Variants in NBL1 observed in about 807,000 individuals in gnomAD.
NBL1 encodes the protein neuroblastoma suppressor of tumorigenicity 1.
NBL1 carries 9 observed loss-of-function variants against 16.0 expected under a neutral mutation model. The observed-to-expected ratio is 0.56, with a 90% CI of 0.34 to 0.98. The LOEUF is 0.98. Among genes scored for constraint, NBL1 ranks in the 50% least tolerant of loss-of-function variants. The pLI is 0.02. For missense variants in NBL1, 196 were observed against 243.1 expected, an observed-to-expected ratio of 0.81 and a Z score of 1.29; for synonymous variants, 86 against 100.7, an observed-to-expected ratio of 0.85 and a Z score of 0.87.
In NBL1 at chr1:19,657,183, C is replaced by T; in HGVS notation, c.*54C>T. The T allele has an allele frequency of 1.2e-6, 1 of 822,140 alleles. No homozygotes were observed. Among genetic ancestry groups the T allele is most frequent in the Non-Finnish European group, 1.9e-6 (1 of 529,738 alleles). The allele number at this position is 822,140 out of a possible 1,614,324, so 50.9% of individuals were successfully genotyped here. On this transcript the variant is annotated 3_prime_UTR_variant, in exon 4 of 4. Transcript: ENST00000375136. The stretch of plus-strand genomic sequence containing the variant: ...TCCCCCTGTGGAATGTTGGGTCTCA[C>T]TCTCTGGGGAAGTCAGGGGAGAAGC...
chr1:19,644,127 G>A (rs1283046307), upstream of NBL1: 8 of 976,908 alleles, frequency 8.2e-6, no homozygotes, highest in Admixed American at 5.0e-4. This position sits in a 1 kb window ranked among gnomAD's most constrained non-coding sequence, Gnocchi z 4.6. Flanking sequence ...GGCGGGCCAG[G>A]AGAGGGCCCG....
In NBL1 at chr1:19,657,175, G is replaced by T; in HGVS notation, c.*46G>T. 1.1e-6 allele frequency: 1 copy of T among 875,562 alleles called. No homozygotes were observed. Among genetic ancestry groups the T allele is most frequent in the Non-Finnish European group, 1.7e-6 (1 of 576,108 alleles). 54.2% of individuals were successfully genotyped at this position (875,562 alleles called of 1,614,324 possible). A position where few individuals can be genotyped will look rare whatever the true frequency, so the allele number is the denominator to read the frequency against. On this transcript the variant is annotated 3_prime_UTR_variant, in exon 4 of 4. Transcript: ENST00000375136. The stretch of plus-strand genomic sequence containing the variant: ...CCCTCTCATCCCCCTGTGGAATGTT[G>T]GGTCTCACTCTCTGGGGAAGTCAGG...
Position 19,655,042 on chromosome 1 carries a change from G to C in NBL1, c.12G>C (p.Arg4=). 6.2e-7 allele frequency: 1 copy of C among 1,609,576 alleles called. No individual in the cohort carries two copies. Among genetic ancestry groups the C allele is most frequent in the Non-Finnish European group, 8.5e-7 (1 of 1,178,828 alleles). ...TGGAGGCCACGGGCATGATGCTTCGGGTCCTGGTGGGGGCTGTCCTCCCTG... is the reference window on the plus strand; with the variant it reads ...TGGAGGCCACGGGCATGATGCTTCGCGTCCTGGTGGGGGCTGTCCTCCCTG... The part of the protein sequence containing the change: MML[R]VLVGAVLPAM... Residue 4 remains arginine, a synonymous_variant, in exon 2 of 4, where the codon CGG becomes CGC. Coordinates refer to ENST00000375136, the MANE Select transcript of NBL1 (RefSeq NM_005380.8).
At chr1:19,647,516 G>A in intron 1 of NBL1, 1 of 655,560 alleles carries the variant, frequency 1.5e-6, no homozygotes. Flanking sequence ...GAATGGAGGA[G>A]GAGAGCCAGA....
chr1:19,656,216 G>T (rs911847062), intron 3 of NBL1, among the ~76,000 whole-genome samples: 1 of 152,086 alleles, frequency 6.6e-6, no homozygotes, highest in African/African-American at 2.4e-5. Context: ...AGGAAGAGAG[G>T]AAGGGAGGGA....
At chr1:19,645,657 G>C (rs1360898700) in intron 1 of NBL1, 2 of 1,168,000 alleles carry the variant, frequency 1.7e-6, no homozygotes, top group East Asian at 1.0e-4. Context: ...CTGCTTGGGC[G>C]TGGTTTGCCT....
chr1:19,656,453 T>A (rs1274677393), intron 3 of NBL1, among the ~76,000 whole-genome samples: 1 of 149,524 alleles, frequency 6.7e-6, no homozygotes, highest in East Asian at 2.0e-4. Context: ...ATGTGCGGAG[T>A]CCCTGAGGCA....
chr1:19,648,813 GGACA>G (rs2095002372), intron 1 of NBL1, among the ~76,000 whole-genome samples: 1 of 152,144 alleles, frequency 6.6e-6, no homozygotes, highest in Admixed American at 6.5e-5. Flanking sequence ...CCTGTGCCAA[GGACA>G]CCTCCTTTAA....
rs2095066275 is a variant in NBL1 at position 19,658,162 on chromosome 1, C to G, written c.*1033C>G. 1 of 152,816 alleles carries G rather than the reference C, an allele frequency of 6.5e-6. No homozygotes were observed. Among genetic ancestry groups the G allele is most frequent in the Non-Finnish European group, 1.5e-5 (1 of 68,168 alleles). 9.5% of individuals were successfully genotyped at this position (152,816 alleles called of 1,614,324 possible). On this transcript the variant is annotated 3_prime_UTR_variant, in exon 4 of 4. Coordinates refer to ENST00000375136, the MANE Select transcript of NBL1 (RefSeq NM_005380.8). ...GACAGTCAGGGTTCACTTGGGCTCTCTCTAGCTCCCCAATTCTGCCTGCCT... is the reference window on the plus strand; with the variant it reads ...GACAGTCAGGGTTCACTTGGGCTCTGTCTAGCTCCCCAATTCTGCCTGCCT...
intron 1 of NBL1, among the ~76,000 whole-genome samples, chr1:19,651,445 G>C (rs928031972): frequency 1.3e-5 from 2 of 152,204 alleles, no homozygotes; most frequent in African/African-American, 4.8e-5. Flanking sequence ...CCTAACCTCT[G>C]TCCCAGCCTG....
intron 1 of NBL1, among the ~76,000 whole-genome samples, chr1:19,652,676 C>A (rs888393365): frequency 6.6e-6 from 1 of 152,134 alleles, no homozygotes; most frequent in African/African-American, 2.4e-5. Context: ...ACCCGTGCTC[C>A]CCAGACACTT....
chr1:19,646,133 C>A, intron 1 of NBL1: 1 of 1,374,754 alleles, frequency 7.3e-7, no homozygotes, highest in Non-Finnish European at 1.0e-6. Flanking sequence ...CCCTGTGTGT[C>A]CGCCCTCTGG....
At chr1:19,653,181 G>A (rs948495950) in intron 1 of NBL1, among the ~76,000 whole-genome samples, 1 of 151,196 alleles carries the variant, frequency 6.6e-6, no homozygotes, top group Non-Finnish European at 1.5e-5. Flanking sequence ...CAGCTACACG[G>A]GAGGCTGAGG....
chr1:19,643,617 G>C (rs2094960579), upstream of NBL1: 4 of 1,370,026 alleles, frequency 2.9e-6, no homozygotes, highest in African/African-American at 1.5e-5. This position sits in a 1 kb window ranked among gnomAD's most constrained non-coding sequence, Gnocchi z 4.7. Context: ...CTTCCCAGGA[G>C]TCAGAGAAGT....
intron 1 of NBL1, chr1:19,645,350 C>T: frequency 1.0e-6 from 1 of 985,626 alleles, no homozygotes; most frequent in African/African-American, 1.7e-5. Context: ...CGGCCCGCTC[C>T]CAGGGCGGGG....
chr1:19,651,128 A>G (rs893809251), intron 1 of NBL1, among the ~76,000 whole-genome samples: 1 of 152,236 alleles, frequency 6.6e-6, no homozygotes, highest in Non-Finnish European at 1.5e-5. Context: ...GGGTTGAGAA[A>G]GGCAGTTTCT....
chr1:19,650,750 T>C (rs569003417), intron 1 of NBL1, among the ~76,000 whole-genome samples: 5 of 144,526 alleles, frequency 3.5e-5, no homozygotes, highest in Non-Finnish European at 7.6e-5. Context: ...AAAAAAAAAA[T>C]AGATTAGTTG....
intron 3 of NBL1, among the ~76,000 whole-genome samples, chr1:19,655,791 G>A (rs1287165072): frequency 6.6e-6 from 1 of 152,152 alleles, no homozygotes; most frequent in Non-Finnish European, 1.5e-5. Flanking sequence ...GCCTCCTCCT[G>A]CTTCCTGCCT....
intron 1 of NBL1, chr1:19,647,682 C>T (rs893583767): frequency 3.6e-5 from 35 of 985,292 alleles, no homozygotes; most frequent in East Asian, 1.1e-4. Context: ...TAGAATCGTC[C>T]GTCTCCATCA....
Sources: gnomAD v4.1 joint callset for allele counts (sites outside exome capture counted in the v4.1 genomes callset) on GRCh38, gnomAD v4.1.1 for gene constraint, Gnocchi (gnomAD v3.1) non-coding constraint, MANE v1.5 for transcripts, NCBI Gene and HGNC (gene_info 2026-07-23, HGNC 2026-07-21) for gene names.